PSD2: variants seen among roughly 807,000 people sequenced by gnomAD.
PSD2 encodes the protein pleckstrin and Sec7 domain containing 2.
Under a neutral mutation model 69.8 loss-of-function variants are expected in PSD2, and 38 were observed. The observed-to-expected ratio is 0.54, with a 90% confidence interval of 0.42 to 0.71. PSD2 has a LOEUF of 0.71. PSD2 is among the 30% of genes least tolerant of loss of function. The probability of loss-of-function intolerance (pLI) is 0.00; values close to 1 mark genes in which losing one functional copy is unlikely to be tolerated. For synonymous variants in PSD2, 412 were observed against 423.0 expected, an observed-to-expected ratio of 0.97 and a Z score of 0.32; for missense variants, 943 against 1,014.5, an observed-to-expected ratio of 0.93 and a Z score of 0.96.
At position 139,842,330 on chromosome 5, in the gene PSD2, T is replaced by C. The variant is rs918707624; in HGVS notation, c.2172T>C (p.Asp724=). ...CTATGAAAATCAAAGTGGGCTCAGA[T>C]GATCTGGAGCGGATTGAGGCCCGGC... The part of the protein sequence containing the change: ...LLAMKIKVGS[D]DLERIEARLA... The change falls in exon 15 of 15, where the codon GAT becomes GAC. Residue 724 remains aspartate (D), a synonymous_variant. Coordinates refer to ENST00000274710, the MANE Select transcript of PSD2 (RefSeq NM_032289.4). The C allele has an allele frequency of 3.1e-6, 5 of 1,614,100 alleles. No homozygotes were observed. The African/African-American group carries it at 5.3e-5, about 17-fold the overall frequency.
the PSD2 span, among the ~76,000 whole-genome samples, chr5:139,766,921 CTTCCTTCCCTTCTTTCTTT>C: frequency 8.3e-4 from 26 of 31,430 alleles, no homozygotes; most frequent in African/African-American, 1.7e-3. Context: ...TCCTTCCTTC[CTTCCTTCCCTTCTTTCTTT>C]CTTTCTTTCT....
rs1760050861 is a variant in PSD2, at chr5:139,814,072, A to G, written c.822-98A>G. On this transcript the variant is annotated intron_variant, in intron 3 of 14. Transcript: ENST00000274710. This position sits in a 1 kb window ranked among gnomAD's most constrained non-coding sequence, Gnocchi z 4.4. ...AGCTTCTTTCCCTGTTCTGGCCCCT[A>G]CATGGTTTGCAGTGGCCTGGGGAAA... 3.5e-6 allele frequency: 4 copies of G among 1,158,114 alleles called. No individual in the cohort carries two copies. The highest frequency in any genetic ancestry group is 2.3e-4 in the Middle Eastern group (1 of 4,344). 71.7% of individuals were successfully genotyped at this position (1,158,114 alleles called of 1,614,324 possible).
At chr5:139,830,325 T>G in intron 7 of PSD2, among the ~76,000 whole-genome samples, 1 of 151,686 alleles carries the variant, frequency 6.6e-6, no homozygotes, top group Non-Finnish European at 1.5e-5. Flanking sequence ...GTGGGTTGTT[T>G]TTCATCTCTT....
chr5:139,747,878 G>A, the PSD2 span, among the ~76,000 whole-genome samples: 1 of 152,324 alleles, frequency 6.6e-6, no homozygotes, highest in African/African-American at 2.4e-5. This position sits in a 1 kb window ranked among gnomAD's most constrained non-coding sequence, Gnocchi z 6.7. Context: ...GGTGCGCGGG[G>A]CTGGCAGGCA....
At chr5:139,835,670 G>T in intron 8 of PSD2, 53 bp from the exon 9 acceptor site, 2 of 1,565,230 alleles carry the variant, frequency 1.3e-6, no homozygotes, top group South Asian at 2.2e-5. Flanking sequence ...GGTAGATGAG[G>T]GTTTCTTTGA....
intron 5 of PSD2, among the ~76,000 whole-genome samples, chr5:139,817,951 G>T (rs1389800077): frequency 3.3e-5 from 5 of 152,214 alleles, no homozygotes; most frequent in Non-Finnish European, 7.3e-5. Flanking sequence ...GAGGGATAAA[G>T]AGACTTCCCC....
the PSD2 span, among the ~76,000 whole-genome samples, chr5:139,745,896 G>T: frequency 1.2e-3 from 183 of 152,272 alleles, 1 homozygote; most frequent in Middle Eastern, 0.01. Context: ...GACCGACACC[G>T]CCAGGTTTAC....
the PSD2 span, among the ~76,000 whole-genome samples, chr5:139,765,185 G>C: frequency 6.6e-6 from 1 of 151,898 alleles, no homozygotes; most frequent in Non-Finnish European, 1.5e-5. Flanking sequence ...CCTTCTGCTC[G>C]CTATCTTCAC....
In PSD2 at chr5:139,820,831, G is replaced by C. The variant is rs533884414; in HGVS notation, c.1098-1062G>C. Among the ~76,000 whole-genome samples, 8 of 152,136 alleles carry C rather than the reference G, an allele frequency of 5.3e-5. No homozygotes were observed. In the South Asian group the frequency reaches 1.5e-3, roughly 28 times the overall value. ...GCCTGTTCTGTCCAAGGTGTAGCAG[G>C]CGGGTATGAGGTTGGAGGCAGAGGA... On this transcript the variant is annotated intron_variant, in intron 5 of 14. Transcript: ENST00000274710.
rs148571670 is a variant in PSD2, at chr5:139,810,517, A to G, written c.371+706A>G. 1.1e-4 allele frequency among the ~76,000 whole-genome samples: 16 copies of G among 152,280 alleles called. No homozygotes were observed. The East Asian group carries it at 2.9e-3, about 28-fold the overall frequency. On this transcript the variant is annotated intron_variant, in intron 2 of 14. Coordinates refer to ENST00000274710, the MANE Select transcript of PSD2 (RefSeq NM_032289.4). ...GTAGTGTGTGAGTGTGCGTGGGGGC[A>G]TGAGTGTGTGCCTGCCCTGCATGTC...
At chr5:139,762,706 C>T in the PSD2 span, among the ~76,000 whole-genome samples, 1 of 152,160 alleles carries the variant, frequency 6.6e-6, no homozygotes, top group African/African-American at 2.4e-5. Context: ...ATCTACCCTG[C>T]AGACAGTACT....
intron 1 of PSD2, among the ~76,000 whole-genome samples, chr5:139,804,359 T>G (rs13354234): frequency 6.6e-6 from 1 of 151,972 alleles, no homozygotes; most frequent in Non-Finnish European, 1.5e-5. Flanking sequence ...CCAATGTTGG[T>G]TGGCAGGTCC....
the PSD2 span, among the ~76,000 whole-genome samples, chr5:139,748,423 A>C: frequency 2.2e-4 from 33 of 152,264 alleles, no homozygotes; most frequent in East Asian, 5.6e-3. Context: ...ACAGGTGCAC[A>C]CATTCCAATT....
chr5:139,835,489 C>T (rs1760693428), intron 8 of PSD2, among the ~76,000 whole-genome samples: 1 of 152,196 alleles, frequency 6.6e-6, no homozygotes, highest in Admixed American at 6.5e-5. Flanking sequence ...CCTTGTGAAG[C>T]TTACAGTCTC....
At chr5:139,818,337 G>T (rs1017890027) in intron 5 of PSD2, among the ~76,000 whole-genome samples, 1 of 152,172 alleles carries the variant, frequency 6.6e-6, no homozygotes, top group Non-Finnish European at 1.5e-5. Flanking sequence ...CTGAGGCCAG[G>T]AGTTCCAGAC....
chr5:139,828,222 TGG>T (rs1287382926), intron 7 of PSD2, among the ~76,000 whole-genome samples: 3 of 150,360 alleles, frequency 2.0e-5, no homozygotes, highest in Non-Finnish European at 1.5e-5. Context: ...CCTATGGCAC[TGG>T]TCAATGGACT....
chr5:139,830,845 T>TTTTTTTTTTTA (rs1760584058), intron 7 of PSD2, among the ~76,000 whole-genome samples: 1 of 133,382 alleles, frequency 7.5e-6, no homozygotes, highest in Non-Finnish European at 1.6e-5. Context: ...TTTTTTTTTT[T>TTTTTTTTTTTA]ATTGATTCAA....
In PSD2 at chr5:139,795,947, G is replaced by A. The variant is rs977883206; in HGVS notation, c.-79G>A. On this transcript the variant is annotated 5_prime_UTR_variant, in exon 1 of 15. Coordinates refer to ENST00000274710, the MANE Select transcript of PSD2 (RefSeq NM_032289.4). This position sits in a 1 kb window ranked among gnomAD's most constrained non-coding sequence, Gnocchi z 4.5. Reference sequence around the variant, plus strand: ...GGCCTCCGATGGCCCCGCCGTGAGAGGCCGGACCCGCGGCGGGGACCAGCA... The same window carrying A: ...GGCCTCCGATGGCCCCGCCGTGAGAAGCCGGACCCGCGGCGGGGACCAGCA... 2 of 150,856 alleles carry A rather than the reference G, an allele frequency of 1.3e-5. No individual in the cohort carries two copies. Among genetic ancestry groups the A allele is most frequent in the Non-Finnish European group, 3.0e-5 (2 of 67,598 alleles). 9.3% of individuals were successfully genotyped at this position (150,856 alleles called of 1,614,324 possible).
At position 139,837,188 on chromosome 5, in the gene PSD2, T is replaced by C; in HGVS notation, c.1615T>C (p.Trp539Arg). ...GKRTPRGRRG[W>R]KKFYAVLKGT... ...CCCAGCGCCCCGTGGGAGGCGTGGCTGGAAGAAATTCTACGCAGTGCTCAA... is the reference window on the plus strand; with the variant it reads ...CCCAGCGCCCCGTGGGAGGCGTGGCCGGAAGAAATTCTACGCAGTGCTCAA... The change falls in exon 11 of 15, where the codon TGG becomes CGG. Residue 539 changes from tryptophan (W) to arginine (R), a missense_variant. Physicochemically the swap from Trp to Arg is moderately radical, Grantham distance 101. This residue lies in a region of PSD2 where 312 missense variants were observed against 400.7 expected (regional missense o/e 0.78). Transcript: ENST00000274710. This position sits in a 1 kb window ranked among gnomAD's most constrained non-coding sequence, Gnocchi z 5.0. 1 of 1,614,086 alleles carries C rather than the reference T, an allele frequency of 6.2e-7. No individual in the cohort carries two copies. Among genetic ancestry groups the C allele is most frequent in the Non-Finnish European group, 8.5e-7 (1 of 1,179,948 alleles).
Sources: gnomAD v4.1 joint callset for allele counts (sites outside exome capture counted in the v4.1 genomes callset) on GRCh38, gnomAD v4.1.1 for gene constraint, gnomAD v4.1.1 regional missense constraint, Gnocchi (gnomAD v3.1) non-coding constraint, MANE v1.5 for transcripts, NCBI Gene and HGNC (gene_info 2026-07-23, HGNC 2026-07-21) for gene names.